Variants in QSOX1 observed in about 807,000 individuals in gnomAD.
QSOX1 encodes the protein quiescin sulfhydryl oxidase 1.
In QSOX1, 40 loss-of-function variants were observed where a neutral mutation model predicts 76.1. The ratio of observed to expected loss-of-function variants is 0.53; its 90% confidence interval spans 0.41 to 0.68. The LOEUF (loss-of-function observed/expected upper bound fraction) is 0.68, where lower values mean the gene tolerates loss of function less well. QSOX1 is among the 30% of genes least tolerant of loss of function. The pLI, the probability that QSOX1 is intolerant of heterozygous loss-of-function variation, is 0.00. For synonymous variants in QSOX1, 392 were observed against 413.1 expected, an observed-to-expected ratio of 0.95 and a Z score of 0.62; for missense variants, 931 against 974.3, an observed-to-expected ratio of 0.96 and a Z score of 0.59.
At chr1:180,175,455 T>C (rs1662865914) in intron 3 of QSOX1, 89 bp downstream of exon 3, 1 of 1,431,642 alleles carries the variant, frequency 7.0e-7, no homozygotes, top group Non-Finnish European at 9.8e-7. Context: ...GAGAAAGCCC[T>C]GGCAGTCGGC....
intron 5 of QSOX1, among the ~76,000 whole-genome samples, chr1:180,181,803 C>T (rs1028864992): frequency 6.6e-6 from 1 of 152,162 alleles, no homozygotes; most frequent in African/African-American, 2.4e-5. Flanking sequence ...AAGACAAGAA[C>T]GTGCTGGCTC....
In QSOX1 at chr1:180,194,385, C is replaced by T; in HGVS notation, c.1461C>T (p.Arg487=). The change falls in exon 11 of 12, where the codon CGC becomes CGT. Residue 487 remains arginine (R), a synonymous_variant. Coordinates refer to ENST00000367602, the MANE Select transcript of QSOX1 (RefSeq NM_002826.5). ...CTAGCCACAACAGGGTCAATGCTCGCCTTGCAGGTAAGGAAGGACCATCCC... is the reference window on the plus strand; with the variant it reads ...CTAGCCACAACAGGGTCAATGCTCGTCTTGCAGGTAAGGAAGGACCATCCC... ...LWSSHNRVNA[R]LAGAPSEDPQ... 6.5e-7 allele frequency: 1 copy of T among 1,546,818 alleles called. No individual in the cohort carries two copies. The highest frequency in any genetic ancestry group is 1.4e-5 in the African/African-American group (1 of 73,396).
Position 180,175,923 on chromosome 1 carries a change from AT to A in QSOX1, c.413-5del. 6.3e-7 allele frequency: 1 copy of A among 1,583,302 alleles called. No homozygotes were observed. ...TGACACTCCGCTCACGCCTGTTTTCATTTACAGTGGCTGGTGCTGACGTGCA... is the reference window on the plus strand; with the variant it reads ...TGACACTCCGCTCACGCCTGTTTTCATTACAGTGGCTGGTGCTGACGTGCA... On this transcript the variant is annotated splice_region_variant and splice_polypyrimidine_tract_variant and intron_variant, in intron 3 of 11. Transcript: ENST00000367602.
intron 4 of QSOX1, among the ~76,000 whole-genome samples, chr1:180,178,374 C>G (rs1010359977): frequency 3.3e-5 from 5 of 152,212 alleles, no homozygotes; most frequent in African/African-American, 1.2e-4. Flanking sequence ...ATTACAGGTG[C>G]CCGCCACCAC....
rs1364136640 is a variant in QSOX1 at position 180,196,952 on chromosome 1, C to T, written c.2159C>T (p.Ser720Phe). 1 of 1,609,628 alleles carries T rather than the reference C, an allele frequency of 6.2e-7. No individual in the cohort carries two copies. The highest frequency in any genetic ancestry group is 8.5e-7 in the Non-Finnish European group (1 of 1,177,348). ...ISLCVGLYSLSFMGLLAMYTY... is the reference protein window; with the variant it reads ...ISLCVGLYSLFFMGLLAMYTY... The stretch of plus-strand genomic sequence containing the variant: ...CTCTGTGTGGGGCTCTATTCCCTGT[C>T]CTTCATGGGCCTGCTGGCCATGTAC... The change falls in exon 12 of 12, where the codon TCC (serine) becomes TTC (phenylalanine). Residue 720 changes from serine (S) to phenylalanine (F), a missense_variant. Coordinates refer to ENST00000367602, the MANE Select transcript of QSOX1 (RefSeq NM_002826.5). This position sits in a 1 kb window ranked among gnomAD's most constrained non-coding sequence, Gnocchi z 4.1.
At chr1:180,168,360 C>T (rs1422792591) in intron 2 of QSOX1, among the ~76,000 whole-genome samples, 3 of 152,248 alleles carry the variant, frequency 2.0e-5, no homozygotes, top group African/African-American at 7.2e-5. Flanking sequence ...AGTCATCTGT[C>T]CACAGACCAA....
chr1:180,166,413 G>A, intron 1 of QSOX1, 78 bp from the exon 2 acceptor site: 4 of 1,137,256 alleles, frequency 3.5e-6, no homozygotes, highest in Middle Eastern at 2.6e-4. Context: ...CAGGGGTGAG[G>A]CATTGCATTA....
chr1:180,175,057 T>C (rs1319802168), intron 2 of QSOX1, among the ~76,000 whole-genome samples: 1 of 151,218 alleles, frequency 6.6e-6, no homozygotes, highest in Non-Finnish European at 1.5e-5. Flanking sequence ...CCTGGGAAGC[T>C]GAGGCAGGAG....
intron 8 of QSOX1, among the ~76,000 whole-genome samples, chr1:180,189,291 C>G (rs1393738224): frequency 6.6e-6 from 1 of 152,068 alleles, no homozygotes; most frequent in Non-Finnish European, 1.5e-5. Context: ...TTCCAGGACC[C>G]CACCCCATTT....
chr1:180,166,804 A>G (rs949470214), intron 2 of QSOX1, among the ~76,000 whole-genome samples: 1 of 152,136 alleles, frequency 6.6e-6, no homozygotes, highest in Non-Finnish European at 1.5e-5. Flanking sequence ...AAGAGGTCTG[A>G]TCTAACTCTA....
chr1:180,190,014 AC>A (rs1343536152), intron 9 of QSOX1, among the ~76,000 whole-genome samples: 1 of 152,186 alleles, frequency 6.6e-6, no homozygotes, highest in Non-Finnish European at 1.5e-5. Context: ...TTTAACAACT[AC>A]CCTGTGCTGC....
At chr1:180,165,053 C>T (rs1362817928) in intron 1 of QSOX1, among the ~76,000 whole-genome samples, 1 of 152,190 alleles carries the variant, frequency 6.6e-6, no homozygotes, top group Admixed American at 6.5e-5. Context: ...GATCTAATAC[C>T]TTTCACTACC....
Position 180,175,945 on chromosome 1 carries a change from G to C in QSOX1, c.427G>C (p.Val143Leu), listed in dbSNP as rs756169623. 4 of 1,594,014 alleles carry C rather than the reference G, an allele frequency of 2.5e-6. No individual in the cohort carries two copies. The South Asian group carries it at 4.6e-5, about 18-fold the overall frequency. The change falls in exon 4 of 12, where the codon GTG (valine) becomes CTG (leucine). Residue 143 changes from valine (V) to leucine (L), a missense_variant. Val to Leu is a conservative substitution (Grantham distance 32). Transcript: ENST00000367602. The part of the protein sequence containing the change: ...GAVFPVAGAD[V>L]QTLRERLIDA... ...TTCATTTACAGTGGCTGGTGCTGAC[G>C]TGCAGACACTGCGGGAGAGGCTCAT...
At chr1:180,159,275 T>G (rs936237812) in intron 1 of QSOX1, among the ~76,000 whole-genome samples, 2 of 152,264 alleles carry the variant, frequency 1.3e-5, no homozygotes, top group Admixed American at 6.5e-5. Context: ...AGAGCTAGAC[T>G]GATACTACTG....
rs1191033186 is a variant in QSOX1, at chr1:180,203,254, A to G, written c.*6217A>G. ...CCAAGAAGGACACATTTTTATAAAC[A>G]TAAGTTACTATTGTTATATATATGC... is the stretch of plus-strand genomic sequence containing the variant. On this transcript the variant is annotated 3_prime_UTR_variant, in exon 12 of 12. Transcript: ENST00000367602. The G allele has an allele frequency of 1.3e-5, 2 of 152,196 alleles. No homozygotes were observed. Among genetic ancestry groups the G allele is most frequent in the African/African-American group, 2.4e-5 (1 of 41,446 alleles). The allele number at this position is 152,196 out of a possible 1,614,324, so 9.4% of individuals were successfully genotyped here.
At chr1:180,167,218 G>A (rs1363577338) in intron 2 of QSOX1, among the ~76,000 whole-genome samples, 1 of 152,258 alleles carries the variant, frequency 6.6e-6, no homozygotes, top group African/African-American at 2.4e-5. Context: ...CAAGGCTGCT[G>A]CAGTTATGGT....
In QSOX1 at chr1:180,198,956, G is replaced by A. The variant is rs1160704357; in HGVS notation, c.*1919G>A. 2.5e-5 allele frequency: 4 copies of A among 159,242 alleles called. No individual in the cohort carries two copies. Among genetic ancestry groups the A allele is most frequent in the Non-Finnish European group, 5.6e-5 (4 of 71,924 alleles). 9.9% of individuals were successfully genotyped at this position (159,242 alleles called of 1,614,324 possible). On this transcript the variant is annotated 3_prime_UTR_variant, in exon 12 of 12. Coordinates refer to ENST00000367602, the MANE Select transcript of QSOX1 (RefSeq NM_002826.5). ...AAGTGCTGGGGATTTCTGTCAGCAA[G>A]CCCTGTGGCTCCAGTGACGGTATTT...
At position 180,155,002 on chromosome 1, in the gene QSOX1, G is replaced by T. The variant is rs1315508178; in HGVS notation, c.95G>T (p.Arg32Leu). ...LAVPGANAAP[R>L]SALYSPSDPL... ...GTTCCCGGCGCTAACGCGGCCCCGCGGTCGGCGCTCTATTCGCCTTCCGAC... is the reference window on the plus strand; with the variant it reads ...GTTCCCGGCGCTAACGCGGCCCCGCTGTCGGCGCTCTATTCGCCTTCCGAC... The change falls in exon 1 of 12, where the codon CGG becomes CTG. Residue 32 changes from arginine (R) to leucine (L), a missense_variant. Transcript: ENST00000367602. 10 of 1,510,190 alleles carry T rather than the reference G, an allele frequency of 6.6e-6. No individual in the cohort carries two copies. Among genetic ancestry groups the T allele is most frequent in the Non-Finnish European group, 6.2e-6 (7 of 1,136,820 alleles). 93.5% of individuals were successfully genotyped at this position (1,510,190 alleles called of 1,614,324 possible). A position where few individuals can be genotyped will look rare whatever the true frequency, so the allele number is the denominator to read the frequency against.
Position 180,190,442 on chromosome 1 carries a change from C to T in QSOX1, c.1150C>T (p.Leu384Phe), listed in dbSNP as rs572991409. 1.4e-5 allele frequency: 23 copies of T among 1,613,724 alleles called. No individual in the cohort carries two copies. The highest frequency in any genetic ancestry group is 1.9e-5 in the Non-Finnish European group (23 of 1,179,596). ...CTCATGTGTCCCTCAGGGTGCCGTT[C>T]TTGCCAAGAAGGTGAACTGGATTGG... ...ALDDRKEGAV[L>F]AKKVNWIGCQ... Residue 384 changes from leucine (L) to phenylalanine (F), a missense_variant, in exon 10 of 12, where the codon CTT (leucine) becomes TTT (phenylalanine). Transcript: ENST00000367602.
Sources: gnomAD v4.1 joint callset for allele counts (sites outside exome capture counted in the v4.1 genomes callset) on GRCh38, gnomAD v4.1.1 for gene constraint, Gnocchi (gnomAD v3.1) non-coding constraint, MANE v1.5 for transcripts, NCBI Gene and HGNC (gene_info 2026-07-23, HGNC 2026-07-21) for gene names.